MARVELD1: variants seen among roughly 807,000 people sequenced by gnomAD.
MARVELD1 encodes the protein MARVEL domain-containing protein 1.
In MARVELD1, 7 loss-of-function variants were observed where a neutral mutation model predicts 11.3. That is an observed-to-expected ratio of 0.62 (90% confidence interval 0.35 to 1.16). MARVELD1 has a LOEUF of 1.16. Among genes scored for constraint, MARVELD1 ranks in the 50% most tolerant of loss-of-function variants. The pLI, the probability that MARVELD1 is intolerant of heterozygous loss-of-function variation, is 0.02. For missense variants in MARVELD1, 216 were observed against 243.8 expected, an observed-to-expected ratio of 0.89 and a Z score of 0.76; for synonymous variants, 119 against 121.4, an observed-to-expected ratio of 0.98 and a Z score of 0.13.
At chr10:97,716,358 A>G (rs1343131056) in intron 1 of MARVELD1, among the ~76,000 whole-genome samples, 1 of 151,664 alleles carries the variant, frequency 6.6e-6, no homozygotes, top group Non-Finnish European at 1.5e-5. Flanking sequence ...CTAGTTTTTA[A>G]ATTTTTGTAG....
chr10:97,714,052 A>G lies in MARVELD1; in HGVS notation c.176A>G (p.His59Arg), dbSNP rs1188393348. The G allele has an allele frequency of 6.5e-7, 1 of 1,536,760 alleles. No individual in the cohort carries two copies. The highest frequency in any genetic ancestry group is 2.0e-5 in the Admixed American group (1 of 50,988). Reference sequence around the variant, plus strand: ...ACCAGCAAGTACCAGGGCCCCGTGCACTTCGCGCTCTTCGTGTCCGTGCTC... The same window carrying G: ...ACCAGCAAGTACCAGGGCCCCGTGCGCTTCGCGCTCTTCGTGTCCGTGCTC... ...IATSKYQGPVHFALFVSVLFW... is the reference protein window; with the variant it reads ...IATSKYQGPVRFALFVSVLFW... Residue 59 changes from histidine to arginine, a missense_variant, in exon 1 of 2, where the codon CAC becomes CGC. Transcript: ENST00000285605. This position sits in a 1 kb window ranked among gnomAD's most constrained non-coding sequence, Gnocchi z 7.4.
chr10:97,714,055 TCG>T lies in MARVELD1; in HGVS notation c.183_184del (p.Phe63ArgfsTer164). The T allele has an allele frequency of 6.5e-7, 1 of 1,536,804 alleles. No individual in the cohort carries two copies. The highest frequency in any genetic ancestry group is 8.7e-7 in the Non-Finnish European group (1 of 1,146,676). On this transcript the variant is annotated frameshift_variant, in exon 1 of 2. Coordinates refer to ENST00000285605, the MANE Select transcript of MARVELD1 (RefSeq NM_031484.4). LOFTEE classifies it high-confidence loss of function. This position sits in a 1 kb window ranked among gnomAD's most constrained non-coding sequence, Gnocchi z 7.4. ...AGCAAGTACCAGGGCCCCGTGCACT[TCG>T]CGCTCTTCGTGTCCGTGCTCTTCTG... is the stretch of plus-strand genomic sequence containing the variant.
At chr10:97,716,441 C>T (rs781415778) in intron 1 of MARVELD1, among the ~76,000 whole-genome samples, 13 of 152,174 alleles carry the variant, frequency 8.5e-5, no homozygotes, top group Non-Finnish European at 1.6e-4. Context: ...GTCTCAGCCT[C>T]CCAGAGTGTT....
Position 97,715,565 on chromosome 10 carries a change from T to G in MARVELD1, c.*1167T>G, listed in dbSNP as rs549252986. 3.9e-5 allele frequency: 6 copies of G among 152,272 alleles called. No individual in the cohort carries two copies. The highest frequency in any genetic ancestry group is 3.9e-4 in the Admixed American group (6 of 15,286). 9.4% of individuals were successfully genotyped at this position (152,272 alleles called of 1,614,324 possible). The stretch of plus-strand genomic sequence containing the variant: ...CTGTTACAGAAATAATTTAGTTTGC[T>G]GTATTAACTGCTCCTGGGCCTGGAG... On this transcript the variant is annotated 3_prime_UTR_variant, in exon 1 of 2. Transcript: ENST00000285605.
intron 1 of MARVELD1, among the ~76,000 whole-genome samples, 174 bp from the exon 2 acceptor site, chr10:97,717,020 A>C (rs2041916374): frequency 6.6e-6 from 1 of 152,238 alleles, no homozygotes; most frequent in Non-Finnish European, 1.5e-5. Context: ...GTTCAGTGGC[A>C]TTAAGAACAT....
chr10:97,714,212 C>G lies in MARVELD1; in HGVS notation c.336C>G (p.Ala112=). ...TGGCGGCCGCGCTCTACGGCGCCGC[C>G]ACCGGCATCATGAGCGACCAGATGC... is the stretch of plus-strand genomic sequence containing the variant. ...DVLAAALYGA[A]TGIMSDQMQR... Residue 112 remains alanine (A), a synonymous_variant, in exon 1 of 2, where the codon GCC becomes GCG. Coordinates refer to ENST00000285605, the MANE Select transcript of MARVELD1 (RefSeq NM_031484.4). The surrounding 1 kb of genome is among the most constrained non-coding windows in gnomAD (Gnocchi z 7.4). 6.5e-7 allele frequency: 1 copy of G among 1,536,914 alleles called. No individual in the cohort carries two copies. The highest frequency in any genetic ancestry group is 8.7e-7 in the Non-Finnish European group (1 of 1,146,652).
At position 97,715,108 on chromosome 10, in the gene MARVELD1, C is replaced by CCT. The variant is rs2041902350; in HGVS notation, c.*713_*714dup. Reference sequence around the variant, plus strand: ...CTTACACTTGTGGAGTCTCCTCTTGCCTCTACCTACTCCGCCTTTGTCCTT... The same window carrying CCT: ...CTTACACTTGTGGAGTCTCCTCTTGCCTCTCTACCTACTCCGCCTTTGTCCTT... On this transcript the variant is annotated 3_prime_UTR_variant, in exon 1 of 2. Coordinates refer to ENST00000285605, the MANE Select transcript of MARVELD1 (RefSeq NM_031484.4). 6.6e-6 allele frequency: 1 copy of CCT among 152,510 alleles called. No individual in the cohort carries two copies. Among genetic ancestry groups the CCT allele is most frequent in the African/African-American group, 2.4e-5 (1 of 41,436 alleles). The allele number at this position is 152,510 out of a possible 1,614,324, so 9.4% of individuals were successfully genotyped here.
chr10:97,714,301 C>A lies in MARVELD1; in HGVS notation c.425C>A (p.Ala142Glu). 6.5e-7 allele frequency: 1 copy of A among 1,536,292 alleles called. No individual in the cohort carries two copies. The highest frequency in any genetic ancestry group is 8.7e-7 in the Non-Finnish European group (1 of 1,146,688). ...PLPCAYHAFL[A>E]AAVCGGVCHG... Reference sequence around the variant, plus strand: ...CCCTGCGCCTACCACGCCTTCCTGGCGGCCGCCGTCTGCGGCGGCGTCTGC... The same window carrying A: ...CCCTGCGCCTACCACGCCTTCCTGGAGGCCGCCGTCTGCGGCGGCGTCTGC... Residue 142 changes from alanine (A) to glutamate (E), a missense_variant, in exon 1 of 2, where the codon GCG becomes GAG. Ala to Glu is a moderately radical substitution (Grantham distance 107, BLOSUM62 -1). Coordinates refer to ENST00000285605, the MANE Select transcript of MARVELD1 (RefSeq NM_031484.4). The surrounding 1 kb of genome is among the most constrained non-coding windows in gnomAD (Gnocchi z 7.4).
Position 97,714,431 on chromosome 10 carries a change from G to A in MARVELD1, c.*33G>A, listed in dbSNP as rs2041895960. ...CGCGCCCGCCGCGGCCCCGATCGGG[G>A]CGGGGGAATCCCCGGAGACCAGCCT... On this transcript the variant is annotated 3_prime_UTR_variant, in exon 1 of 2. Coordinates refer to ENST00000285605, the MANE Select transcript of MARVELD1 (RefSeq NM_031484.4). The surrounding 1 kb of genome is among the most constrained non-coding windows in gnomAD (Gnocchi z 7.4). 2 of 1,437,180 alleles carry A rather than the reference G, an allele frequency of 1.4e-6. No homozygotes were observed. Among genetic ancestry groups the A allele is most frequent in the Non-Finnish European group, 1.8e-6 (2 of 1,094,196 alleles). The allele number at this position is 1,437,180 out of a possible 1,614,324, so 89.0% of individuals were successfully genotyped here.
rs769378105 is a variant in MARVELD1, at chr10:97,713,965, C to T, written c.89C>T (p.Pro30Leu). 3.3e-6 allele frequency: 5 copies of T among 1,533,160 alleles called. No homozygotes were observed. Among genetic ancestry groups the T allele is most frequent in the Middle Eastern group, 1.7e-4 (1 of 5,836 alleles). 95.0% of individuals were successfully genotyped at this position (1,533,160 alleles called of 1,614,324 possible). ...CTGCAGCGGCCCTTCCTGCGCAGCCCGCTGGGCGTGTTGCGGCTGCTGCAG... is the reference window on the plus strand; with the variant it reads ...CTGCAGCGGCCCTTCCTGCGCAGCCTGCTGGGCGTGTTGCGGCTGCTGCAG... ...VRLQRPFLRS[P>L]LGVLRLLQLL... Residue 30 changes from proline to leucine, a missense_variant, in exon 1 of 2, where the codon CCG becomes CTG. Physicochemically the swap from Pro to Leu is moderately conservative, Grantham distance 98 (BLOSUM62 -3). Coordinates refer to ENST00000285605, the MANE Select transcript of MARVELD1 (RefSeq NM_031484.4). This position sits in a 1 kb window ranked among gnomAD's most constrained non-coding sequence, Gnocchi z 5.7.
chr10:97,714,162 A>G lies in MARVELD1; in HGVS notation c.286A>G (p.Met96Val), dbSNP rs1396215550. ...LVPVLGSRWL[M>V]VNVAHDVLAA... is the part of the protein sequence containing the mutation. ...CCCCGTGCTGGGCTCGCGCTGGCTC[A>G]TGGTCAACGTGGCGCACGATGTGCT... The change falls in exon 1 of 2, where the codon ATG (methionine) becomes GTG (valine). Residue 96 changes from methionine (M) to valine (V), a missense_variant. By Grantham distance (21) the Met-to-Val change is conservative. Coordinates refer to ENST00000285605, the MANE Select transcript of MARVELD1 (RefSeq NM_031484.4). This position sits in a 1 kb window ranked among gnomAD's most constrained non-coding sequence, Gnocchi z 7.4. 1.3e-6 allele frequency: 2 copies of G among 1,536,504 alleles called. No individual in the cohort carries two copies. Among genetic ancestry groups the G allele is most frequent in the Non-Finnish European group, 1.7e-6 (2 of 1,146,660 alleles).
In MARVELD1 at chr10:97,714,281, C is replaced by A; in HGVS notation, c.405C>A (p.Cys135Ter). The change falls in exon 1 of 2, where the codon TGC (cysteine) becomes TGA (stop). Residue 135 changes from cysteine to a stop codon, truncating the protein, a stop_gained. Coordinates refer to ENST00000285605, the MANE Select transcript of MARVELD1 (RefSeq NM_031484.4). LOFTEE classifies it high-confidence loss of function. This position sits in a 1 kb window ranked among gnomAD's most constrained non-coding sequence, Gnocchi z 7.4. ...YCNLKDYPLP[C>*]AYHAFLAAAV... Reference sequence around the variant, plus strand: ...ACCTCAAGGATTACCCGCTCCCCTGCGCCTACCACGCCTTCCTGGCGGCCG... The same window carrying A: ...ACCTCAAGGATTACCCGCTCCCCTGAGCCTACCACGCCTTCCTGGCGGCCG... 6.5e-7 allele frequency: 1 copy of A among 1,536,538 alleles called. No homozygotes were observed. The highest frequency in any genetic ancestry group is 8.7e-7 in the Non-Finnish European group (1 of 1,146,714).
intron 1 of MARVELD1, 101 bp downstream of exon 1, chr10:97,716,086 A>T (rs1463719192): frequency 6.6e-6 from 1 of 152,236 alleles, no homozygotes; most frequent in Non-Finnish European, 1.5e-5. Flanking sequence ...TATTCAGAGC[A>T]AGTTGGAGAG....
In MARVELD1 at chr10:97,714,004, C is replaced by G; in HGVS notation, c.128C>G (p.Ala43Gly). 1 of 1,536,154 alleles carries G rather than the reference C, an allele frequency of 6.5e-7. No individual in the cohort carries two copies. The highest frequency in any genetic ancestry group is 8.7e-7 in the Non-Finnish European group (1 of 1,146,432). Reference protein sequence around the residue: ...VLRLLQLLAGAAFWITIATSK... With the variant: ...VLRLLQLLAGGAFWITIATSK... ...CGGCTGCTGCAGCTGCTGGCCGGCG[C>G]TGCCTTCTGGATCACTATCGCCACC... The change falls in exon 1 of 2, where the codon GCT (alanine) becomes GGT (glycine). Residue 43 changes from alanine (A) to glycine (G), a missense_variant. Physicochemically the swap from Ala to Gly is moderately conservative, Grantham distance 60. Coordinates refer to ENST00000285605, the MANE Select transcript of MARVELD1 (RefSeq NM_031484.4). The surrounding 1 kb of genome is among the most constrained non-coding windows in gnomAD (Gnocchi z 7.4).
In MARVELD1 at chr10:97,713,894, G is replaced by C; in HGVS notation, c.18G>C (p.Pro6=). 2.0e-6 allele frequency: 2 copies of C among 982,078 alleles called. No homozygotes were observed. The highest frequency in any genetic ancestry group is 2.5e-6 in the Non-Finnish European group (2 of 813,894). The allele number at this position is 982,078 out of a possible 1,614,324, so 60.8% of individuals were successfully genotyped here. A position where few individuals can be genotyped will look rare whatever the true frequency, so the allele number is the denominator to read the frequency against. The part of the protein sequence containing the change: MLPPP[P]RQPPPQARAA... ...CAGGGGCCATGCTCCCGCCGCCCCC[G>C]CGCCAGCCGCCGCCCCAGGCGCGTG... The change falls in exon 1 of 2, where the codon CCG becomes CCC. Residue 6 remains proline (P), a synonymous_variant. Transcript: ENST00000285605. This position sits in a 1 kb window ranked among gnomAD's most constrained non-coding sequence, Gnocchi z 5.7.
chr10:97,714,442 C>A lies in MARVELD1; in HGVS notation c.*44C>A. On this transcript the variant is annotated 3_prime_UTR_variant, in exon 1 of 2. Transcript: ENST00000285605. The surrounding 1 kb of genome is among the most constrained non-coding windows in gnomAD (Gnocchi z 7.4). Reference sequence around the variant, plus strand: ...CGGCCCCGATCGGGGCGGGGGAATCCCCGGAGACCAGCCTCCTTAATCCCT... The same window carrying A: ...CGGCCCCGATCGGGGCGGGGGAATCACCGGAGACCAGCCTCCTTAATCCCT... 1 of 1,386,002 alleles carries A rather than the reference C, an allele frequency of 7.2e-7. No individual in the cohort carries two copies. Among genetic ancestry groups the A allele is most frequent in the Non-Finnish European group, 9.5e-7 (1 of 1,051,376 alleles). 85.9% of individuals were successfully genotyped at this position (1,386,002 alleles called of 1,614,324 possible).
At chr10:97,716,924 A>G (rs1162737889) in intron 1 of MARVELD1, among the ~76,000 whole-genome samples, 1 of 152,192 alleles carries the variant, frequency 6.6e-6, no homozygotes, top group African/African-American at 2.4e-5. Context: ...GTATCAATAC[A>G]TGTTAGATAC....
At position 97,715,755 on chromosome 10, in the gene MARVELD1, G is replaced by C. The variant is rs2041907731; in HGVS notation, c.*1357G>C. On this transcript the variant is annotated 3_prime_UTR_variant, in exon 1 of 2. Coordinates refer to ENST00000285605, the MANE Select transcript of MARVELD1 (RefSeq NM_031484.4). ...AGAGGGAGGGGACCCACCCCAGTGA[G>C]GAAGTAGATTGCTGCCTCTAGCCAG... is the stretch of plus-strand genomic sequence containing the variant. 6.6e-6 allele frequency: 1 copy of C among 152,264 alleles called. No homozygotes were observed. Among genetic ancestry groups the C allele is most frequent in the South Asian group, 2.1e-4 (1 of 4,832 alleles). The allele number at this position is 152,264 out of a possible 1,614,324, so 9.4% of individuals were successfully genotyped here.
In MARVELD1 at chr10:97,714,170, C is replaced by T. The variant is rs1336338750; in HGVS notation, c.294C>T (p.Asn98=). 2 of 1,536,928 alleles carry T rather than the reference C, an allele frequency of 1.3e-6. No homozygotes were observed. The highest frequency in any genetic ancestry group is 2.4e-5 in the South Asian group (2 of 84,054). Residue 98 remains asparagine (N), a synonymous_variant, in exon 1 of 2, where the codon AAC becomes AAT. Transcript: ENST00000285605. This position sits in a 1 kb window ranked among gnomAD's most constrained non-coding sequence, Gnocchi z 7.4. ...PVLGSRWLMV[N]VAHDVLAAAL... The stretch of plus-strand genomic sequence containing the variant: ...TGGGCTCGCGCTGGCTCATGGTCAA[C>T]GTGGCGCACGATGTGCTGGCGGCCG...
Sources: allele counts gnomAD v4.1 joint callset (sites outside exome capture counted in the v4.1 genomes callset), GRCh38; gene constraint gnomAD v4.1.1; non-coding constraint Gnocchi (gnomAD v3.1); transcripts MANE v1.5; gene names NCBI Gene and HGNC (gene_info 2026-07-23, HGNC 2026-07-21).